PBX1: variants seen among roughly 807,000 people sequenced by gnomAD.
The protein encoded by PBX1 is pre-B-cell leukemia transcription factor 1.
In PBX1, 6 loss-of-function variants were observed where a neutral mutation model predicts 53.4. That is an observed-to-expected ratio of 0.11 (90% confidence interval 0.06 to 0.22). The LOEUF (loss-of-function observed/expected upper bound fraction) is 0.22, where lower values mean the gene tolerates loss of function less well. Ranked by LOEUF, PBX1 falls within the 10% of genes least tolerant of loss-of-function variation. PBX1 has a pLI of 1.00. For synonymous variants in PBX1, 204 were observed against 212.3 expected (o/e 0.96, Z 0.34); for missense variants, 251 against 551.4 (o/e 0.46, Z 5.46).
intron 2 of PBX1, among the ~76,000 whole-genome samples, chr1:164,701,073 G>C (rs1043097595): frequency 6.6e-6 from 1 of 152,042 alleles, no homozygotes; most frequent in Non-Finnish European, 1.5e-5. Context: ...AACAATATAT[G>C]CGTGTCAGAT....
intron 2 of PBX1, among the ~76,000 whole-genome samples, chr1:164,626,391 A>G (rs1055280262): frequency 6.6e-6 from 1 of 152,130 alleles, no homozygotes; most frequent in African/African-American, 2.4e-5. Flanking sequence ...CCCAGGGCTG[A>G]GCATTTCTTT....
At position 164,773,786 on chromosome 1, in the gene PBX1, G is replaced by A. The variant is rs138435718; in HGVS notation, c.266-18708G>A. Among the ~76,000 whole-genome samples, 172 of 152,260 alleles carry A rather than the reference G, an allele frequency of 1.1e-3. 1 individual carries two copies. In the South Asian group the frequency reaches 0.024, roughly 21 times the overall value. Reference sequence around the variant, plus strand: ...TCTCCAAGTGTACTGGAAAGGATTGGGTGTTGGGAAGGCATTGGAAAGCTG... The same window carrying A: ...TCTCCAAGTGTACTGGAAAGGATTGAGTGTTGGGAAGGCATTGGAAAGCTG... On this transcript the variant is annotated intron_variant, in intron 2 of 8. Coordinates refer to ENST00000420696, the MANE Select transcript of PBX1 (RefSeq NM_002585.4).
chr1:164,721,738 T>C (rs1230260752), intron 2 of PBX1, among the ~76,000 whole-genome samples: 2 of 152,218 alleles, frequency 1.3e-5, no homozygotes, highest in Non-Finnish European at 2.9e-5. Flanking sequence ...CCTTCTCGGC[T>C]TGACTCTGCC....
intron 2 of PBX1, among the ~76,000 whole-genome samples, chr1:164,644,981 G>A (rs1252880527): frequency 1.3e-5 from 2 of 152,156 alleles, no homozygotes; most frequent in African/African-American, 4.8e-5. Context: ...TTTGGACTAG[G>A]GACTGCTTTT....
At chr1:164,655,583 G>T (rs1047183338) in intron 2 of PBX1, among the ~76,000 whole-genome samples, 1 of 152,168 alleles carries the variant, frequency 6.6e-6, no homozygotes, top group Non-Finnish European at 1.5e-5. Context: ...GTGGTTTACT[G>T]AGACAGTCAA....
At chr1:164,564,439 CT>C (rs1283541807) in intron 2 of PBX1, among the ~76,000 whole-genome samples, 1 of 151,986 alleles carries the variant, frequency 6.6e-6, no homozygotes. Flanking sequence ...GGGTGGCTTT[CT>C]TTTTGAGAGC....
intron 2 of PBX1, among the ~76,000 whole-genome samples, chr1:164,755,482 T>C (rs184425252): frequency 6.6e-6 from 1 of 152,216 alleles, no homozygotes; most frequent in Non-Finnish European, 1.5e-5. Context: ...AATGTACTTA[T>C]GTATACATAA....
intron 2 of PBX1, among the ~76,000 whole-genome samples, chr1:164,697,935 G>A (rs188841108): frequency 6.6e-6 from 1 of 152,246 alleles, no homozygotes; most frequent in Admixed American, 6.5e-5. Context: ...CTTGCCTCCA[G>A]GTATCAGACA....
intron 2 of PBX1, among the ~76,000 whole-genome samples, chr1:164,655,575 G>A (rs1660121672): frequency 6.6e-6 from 1 of 152,102 alleles, no homozygotes; most frequent in Admixed American, 6.5e-5. Flanking sequence ...TTCTTGTAGT[G>A]GTTTACTGAG....
chr1:164,713,818 A>G (rs1245380458), intron 2 of PBX1, among the ~76,000 whole-genome samples: 1 of 152,234 alleles, frequency 6.6e-6, no homozygotes, highest in African/African-American at 2.4e-5. Context: ...ACAGCCTGAA[A>G]TAAGAACCAC....
At position 164,811,976 on chromosome 1, in the gene PBX1, T is replaced by G. The variant is rs554629602; in HGVS notation, c.838-14T>G. ...GAAATGTGAACTTTCTCATCTTCTCTTAAACTACTCTAGGTATCAAACTGG... is the reference window on the plus strand; with the variant it reads ...GAAATGTGAACTTTCTCATCTTCTCGTAAACTACTCTAGGTATCAAACTGG... On this transcript the variant is annotated splice_polypyrimidine_tract_variant and intron_variant, in intron 5 of 8. Transcript: ENST00000420696. The G allele has an allele frequency of 4.4e-6, 7 of 1,605,376 alleles. No individual in the cohort carries two copies. In the South Asian group the frequency reaches 7.8e-5, roughly 18 times the overall value.
Position 164,559,653 on chromosome 1 carries a change from A to G in PBX1, c.-170A>G. On this transcript the variant is annotated 5_prime_UTR_variant, in exon 1 of 9. Transcript: ENST00000420696. ...CCTCCTCATCCTCCCACCATCCTCT[A>G]AAGAGGCAAAGGGATTTTTTTTTTC... 1 of 425,896 alleles carries G rather than the reference A, an allele frequency of 2.3e-6. No homozygotes were observed. The highest frequency in any genetic ancestry group is 4.9e-5 in the South Asian group (1 of 20,542). The allele number at this position is 425,896 out of a possible 1,614,324, so 26.4% of individuals were successfully genotyped here. A position where few individuals can be genotyped will look rare whatever the true frequency, so the allele number is the denominator to read the frequency against.
chr1:164,677,885 A>G (rs781512842), intron 2 of PBX1, among the ~76,000 whole-genome samples: 19 of 152,300 alleles, frequency 1.2e-4, no homozygotes, highest in African/African-American at 4.3e-4. Flanking sequence ...GTAGGGTCAG[A>G]TTATGGAGAG....
At chr1:164,825,834 T>C (rs1337447263) in intron 8 of PBX1, among the ~76,000 whole-genome samples, 1 of 152,164 alleles carries the variant, frequency 6.6e-6, no homozygotes, top group Non-Finnish European at 1.5e-5. Flanking sequence ...TTAAAAAAAG[T>C]ATATATACCT....
chr1:164,652,415 G>A lies in PBX1; in HGVS notation c.265+89104G>A, dbSNP rs1277187290. Reference sequence around the variant, plus strand: ...TATATAACCTTGTGTCATTTACAAAGCATTTTCCTTTATATTATTGGCATT... The same window carrying A: ...TATATAACCTTGTGTCATTTACAAAACATTTTCCTTTATATTATTGGCATT... On this transcript the variant is annotated intron_variant, in intron 2 of 8. Transcript: ENST00000420696. Among the ~76,000 whole-genome samples the A allele has an allele frequency of 3.9e-5, 6 of 152,180 alleles. No individual in the cohort carries two copies. In the South Asian group the frequency reaches 1.0e-3, roughly 26 times the overall value.
intron 6 of PBX1, chr1:164,816,762 C>G (rs575182796): frequency 1.3e-4 from 20 of 151,930 alleles, no homozygotes; most frequent in Non-Finnish European, 2.9e-4. Context: ...TTGAGAGATC[C>G]TATTCTAGGT....
chr1:164,675,132 G>T (rs1417987865), intron 2 of PBX1, among the ~76,000 whole-genome samples: 2 of 152,028 alleles, frequency 1.3e-5, no homozygotes, highest in African/African-American at 4.8e-5. Flanking sequence ...CAATAATTGA[G>T]GTCTTTAATT....
intron 2 of PBX1, among the ~76,000 whole-genome samples, chr1:164,735,338 G>T (rs186033205): frequency 6.6e-6 from 1 of 152,066 alleles, no homozygotes; most frequent in Non-Finnish European, 1.5e-5. Context: ...TTTTGCTGTC[G>T]CAGATTTAAT....
rs1318672701 is a variant in PBX1, at chr1:164,559,667, AT to A, written c.-146del. 518 of 302,232 alleles carry A rather than the reference AT, an allele frequency of 1.7e-3. No homozygotes were observed. Among genetic ancestry groups the A allele is most frequent in the Middle Eastern group, 3.1e-3 (3 of 954 alleles). 18.7% of individuals were successfully genotyped at this position (302,232 alleles called of 1,614,324 possible). A position where few individuals can be genotyped will look rare whatever the true frequency, so the allele number is the denominator to read the frequency against. ...CACCATCCTCTAAAGAGGCAAAGGG[AT>A]TTTTTTTTTCTTTTGGTCTTCTTTT... On this transcript the variant is annotated 5_prime_UTR_variant, in exon 1 of 9. Coordinates refer to ENST00000420696, the MANE Select transcript of PBX1 (RefSeq NM_002585.4).
Sources: gnomAD v4.1 joint callset for allele counts (sites outside exome capture counted in the v4.1 genomes callset) on GRCh38, gnomAD v4.1.1 for gene constraint, MANE v1.5 for transcripts, NCBI Gene and HGNC (gene_info 2026-07-23, HGNC 2026-07-21) for gene names.